ARAP3: variants seen among roughly 807,000 people sequenced by gnomAD.
ARAP3 encodes ArfGAP with RhoGAP domain, ankyrin repeat and PH domain 3.
ARAP3 carries 82 observed loss-of-function variants against 169.2 expected under a neutral mutation model. That is an observed-to-expected ratio of 0.48 (90% CI 0.41 to 0.58). The LOEUF is 0.58. Ranked by LOEUF, ARAP3 falls within the 20% of genes least tolerant of loss-of-function variation. The pLI, the probability that ARAP3 is intolerant of heterozygous loss-of-function variation, is 0.00. For synonymous variants in ARAP3, 791 were observed against 800.3 expected (o/e 0.99, Z 0.20); for missense variants, 1,764 against 2,018.0 (o/e 0.87, Z 2.41).
chr5:141,680,139 C>A lies in ARAP3; in HGVS notation c.348G>T (p.Leu116=). 1 of 1,608,930 alleles carries A rather than the reference C, an allele frequency of 6.2e-7. No individual in the cohort carries two copies. The highest frequency in any genetic ancestry group is 1.1e-5 in the South Asian group (1 of 90,726). The change falls in exon 2 of 33, where the codon CTG becomes CTT. Residue 116 remains leucine (L), a synonymous_variant. Transcript: ENST00000239440. ...SGPATTQRPG[L]SPALGGPGVS... is the part of the protein sequence containing the mutation. Reference sequence around the variant, plus strand: ...CTCCTGGTCCCCCGAGGGCTGGGCTCAGCCCAGGTCTCTGAGTGGTGGCAG... The same window carrying A: ...CTCCTGGTCCCCCGAGGGCTGGGCTAAGCCCAGGTCTCTGAGTGGTGGCAG...
chr5:141,664,990 T>C lies in ARAP3; in HGVS notation c.2732A>G (p.Glu911Gly). 6.2e-7 allele frequency: 1 copy of C among 1,613,520 alleles called. No homozygotes were observed. The highest frequency in any genetic ancestry group is 8.5e-7 in the Non-Finnish European group (1 of 1,179,914). ...GATGTCACCCCGGCTCATCTGCTGC[T>C]CCTGCAGCCCTGTGCCGCCCCCACC... ...AAGGGGTGLQ[E>G]QQMSRGDIPI... Residue 911 changes from glutamate (E) to glycine (G), a missense_variant, in exon 19 of 33, where the codon GAG becomes GGG. This residue lies in a region of ARAP3 where 1,112 missense variants were observed against 1,285.7 expected (regional missense o/e 0.86). Coordinates refer to ENST00000239440, the MANE Select transcript of ARAP3 (RefSeq NM_022481.6).
chr5:141,673,294 C>A, intron 6 of ARAP3, 107 bp downstream of exon 6: 1 of 1,561,716 alleles, frequency 6.4e-7, no homozygotes, highest in South Asian at 1.2e-5. Context: ...GTCATGCAGT[C>A]ACTGCCCCGC....
chr5:141,666,717 T>G, intron 16 of ARAP3, 74 bp from the exon 17 acceptor site: 1 of 714,792 alleles, frequency 1.4e-6, no homozygotes, highest in Non-Finnish European at 2.0e-6. Flanking sequence ...GAAATGAGAG[T>G]GACCGGGGTA....
chr5:141,654,298 C>T lies in ARAP3; in HGVS notation c.4287G>A (p.Arg1429=). ...GGTTCTCTGGCTTCACTGTCCACTC[C>T]CGTGTGGTGGAGAAGGAGGTAGAAG... ...QDTSTSFSTT[R]EWTVKPENPL... The change falls in exon 33 of 33, where the codon CGG becomes CGA. Residue 1429 remains arginine (R), a synonymous_variant. Coordinates refer to ENST00000239440, the MANE Select transcript of ARAP3 (RefSeq NM_022481.6). 6.2e-7 allele frequency: 1 copy of T among 1,614,106 alleles called. No homozygotes were observed. The highest frequency in any genetic ancestry group is 8.5e-7 in the Non-Finnish European group (1 of 1,180,010).
At chr5:141,670,463 C>G in intron 14 of ARAP3, 49 bp downstream of exon 14, 1 of 1,560,098 alleles carries the variant, frequency 6.4e-7, no homozygotes, top group Non-Finnish European at 8.8e-7. Flanking sequence ...ACCCTCACAC[C>G]CATCCACTTT....
At chr5:141,666,039 CA>C (rs764552450) in intron 17 of ARAP3, among the ~76,000 whole-genome samples, 6,194 of 116,088 alleles carry the variant, frequency 0.053, 170 homozygotes, top group Non-Finnish European at 0.083. Flanking sequence ...ACTCTGTCTC[CA>C]AAAAAAAAAA....
rs1190663347 is a variant in ARAP3, at chr5:141,672,244, T to G, written c.1443A>C (p.Ala481=). The change falls in exon 10 of 33, where the codon GCA becomes GCC. Residue 481 remains alanine, a synonymous_variant. Transcript: ENST00000239440. This position sits in a 1 kb window ranked among gnomAD's most constrained non-coding sequence, Gnocchi z 4.9. ...RQSWAAALQE[A]VTETLSDYEV... is the part of the protein sequence containing the mutation. Reference sequence around the variant, plus strand: ...CGTAGTCAGACAGGGTCTCGGTTACTGCTTCCTGCAGAGCGGCCGCCCAGC... The same window carrying G: ...CGTAGTCAGACAGGGTCTCGGTTACGGCTTCCTGCAGAGCGGCCGCCCAGC... The G allele has an allele frequency of 1.2e-6, 2 of 1,614,228 alleles. No homozygotes were observed. Among genetic ancestry groups the G allele is most frequent in the Admixed American group, 3.3e-5 (2 of 60,028 alleles).
chr5:141,656,143 G>T (rs369156358), intron 28 of ARAP3, 44 bp from the exon 29 acceptor site: 1 of 1,614,078 alleles, frequency 6.2e-7, no homozygotes. Context: ...AAAGGGCAGG[G>T]GGGTGAAGGC....
rs1474066492 is a variant in ARAP3, at chr5:141,671,482, T to C, written c.1855-82A>G. 6.2e-7 allele frequency: 1 copy of C among 1,601,910 alleles called. No individual in the cohort carries two copies. Among genetic ancestry groups the C allele is most frequent in the South Asian group, 1.1e-5 (1 of 89,418 alleles). ...ACAGTCGTATCATCACTAAAAACAG[T>C]CCCCACCACCCAAGTCTAGGCATTC... On this transcript the variant is annotated intron_variant, in intron 12 of 32. Coordinates refer to ENST00000239440, the MANE Select transcript of ARAP3 (RefSeq NM_022481.6). This position sits in a 1 kb window ranked among gnomAD's most constrained non-coding sequence, Gnocchi z 4.9.
chr5:141,663,017 C>A (rs1478870208), intron 19 of ARAP3, among the ~76,000 whole-genome samples: 2 of 152,224 alleles, frequency 1.3e-5, no homozygotes, highest in African/African-American at 4.8e-5. Context: ...TAGCAGGAAG[C>A]TAACCCTGTA....
At position 141,680,104 on chromosome 5, in the gene ARAP3, C is replaced by T. The variant is rs768700560; in HGVS notation, c.383G>A (p.Ser128Asn). Residue 128 changes from serine to asparagine, a missense_variant, in exon 2 of 33, where the codon AGC becomes AAC. Transcript: ENST00000239440. ...PALGGPGVSR[S>N]PEPSPRPPPL... ...AGGAGGCCTTGGGCTGGGCTCTGGGCTCCTGGACACTCCTGGTCCCCCGAG... is the reference window on the plus strand; with the variant it reads ...AGGAGGCCTTGGGCTGGGCTCTGGGTTCCTGGACACTCCTGGTCCCCCGAG... 15 of 1,612,694 alleles carry T rather than the reference C, an allele frequency of 9.3e-6. 1 individual carries two copies. In the South Asian group the frequency reaches 1.6e-4, roughly 18 times the overall value.
At position 141,659,884 on chromosome 5, in the gene ARAP3, G is replaced by A; in HGVS notation, c.3162C>T (p.Asn1054=). The stretch of plus-strand genomic sequence containing the variant: ...CGCTGGGTGCAAACAGCAGAGCCAA[G>A]TTCCGCGTGCACATCTGGTTTAGAG... ...CAALNQMCTR[N]LALLFAPSVF... is the part of the protein sequence containing the mutation. The change falls in exon 22 of 33, where the codon AAC becomes AAT. Residue 1054 remains asparagine, a synonymous_variant. Transcript: ENST00000239440. The A allele has an allele frequency of 6.3e-7, 1 of 1,588,460 alleles. No homozygotes were observed. The highest frequency in any genetic ancestry group is 8.6e-7 in the Non-Finnish European group (1 of 1,167,714).
Position 141,653,907 on chromosome 5 carries a change from T to C in ARAP3, c.*43A>G. 6.6e-7 allele frequency: 1 copy of C among 1,508,708 alleles called. No individual in the cohort carries two copies. Among genetic ancestry groups the C allele is most frequent in the Non-Finnish European group, 8.8e-7 (1 of 1,130,284 alleles). The allele number at this position is 1,508,708 out of a possible 1,614,324, so 93.5% of individuals were successfully genotyped here. A position where few individuals can be genotyped will look rare whatever the true frequency, so the allele number is the denominator to read the frequency against. On this transcript the variant is annotated 3_prime_UTR_variant, in exon 33 of 33. Transcript: ENST00000239440. ...GCAACAGTGCCACGATAAGAGTTTCTGGGTCTTCTGGTACCTACCCTCTCA... is the reference window on the plus strand; with the variant it reads ...GCAACAGTGCCACGATAAGAGTTTCCGGGTCTTCTGGTACCTACCCTCTCA...
At chr5:141,673,300 C>T (rs2154599122) in intron 6 of ARAP3, 101 bp downstream of exon 6, 1 of 1,557,346 alleles carries the variant, frequency 6.4e-7, no homozygotes. Context: ...CAGTCACTGC[C>T]CCGCCCACAC....
At chr5:141,677,754 G>T (rs910813946) in intron 4 of ARAP3, among the ~76,000 whole-genome samples, 6 of 151,632 alleles carry the variant, frequency 4.0e-5, no homozygotes, top group Admixed American at 1.3e-4. Context: ...TGTTTTTTTG[G>T]TTTTGTTTTG....
intron 4 of ARAP3, among the ~76,000 whole-genome samples, chr5:141,676,334 C>G (rs1176355736): frequency 6.6e-6 from 1 of 152,204 alleles, no homozygotes; most frequent in East Asian, 1.9e-4. Context: ...GGTGACAGAG[C>G]AAGACTCCGT....
In ARAP3 at chr5:141,680,079, A is replaced by T; in HGVS notation, c.408T>A (p.Pro136=). The T allele has an allele frequency of 6.2e-7, 1 of 1,613,856 alleles. No homozygotes were observed. The highest frequency in any genetic ancestry group is 1.1e-5 in the South Asian group (1 of 91,066). The change falls in exon 2 of 33, where the codon CCT becomes CCA. Residue 136 remains proline, a synonymous_variant. Coordinates refer to ENST00000239440, the MANE Select transcript of ARAP3 (RefSeq NM_022481.6). The stretch of plus-strand genomic sequence containing the variant: ...GCTCAGAGGAGGAAGTGGGGAGAGG[A>T]GGAGGCCTTGGGCTGGGCTCTGGGC... The part of the protein sequence containing the change: ...SRSPEPSPRP[P]PLPTSSSEQS...
At chr5:141,657,963 G>A (rs1006330605) in intron 25 of ARAP3, among the ~76,000 whole-genome samples, 2 of 152,062 alleles carry the variant, frequency 1.3e-5, no homozygotes, top group Non-Finnish European at 2.9e-5. Flanking sequence ...AGAGATGTGG[G>A]CCAGATATAC....
chr5:141,676,413 CTCT>C (rs1458766702), intron 4 of ARAP3, among the ~76,000 whole-genome samples: 3 of 152,186 alleles, frequency 2.0e-5, no homozygotes, highest in African/African-American at 7.2e-5. Context: ...CAACTCTCTG[CTCT>C]TCTTTGCAGA....
Sources: allele counts gnomAD v4.1 joint callset (sites outside exome capture counted in the v4.1 genomes callset), GRCh38; gene constraint gnomAD v4.1.1; regional missense constraint gnomAD v4.1.1; non-coding constraint Gnocchi (gnomAD v3.1); transcripts MANE v1.5; gene names NCBI Gene and HGNC (gene_info 2026-07-23, HGNC 2026-07-21).